The following TMEM132D variants were observed in gnomAD, a reference collection of about 807,000 sequenced individuals.
TMEM132D encodes the protein transmembrane protein 132D, also known as mature OL transmembrane protein.
TMEM132D carries 21 observed loss-of-function variants against 62.3 expected under a neutral mutation model. The observed-to-expected ratio is 0.34, with a 90% CI of 0.24 to 0.49. The LOEUF (loss-of-function observed/expected upper bound fraction) is 0.49. TMEM132D is among the 20% of genes least tolerant of loss of function. The pLI is 0.99. For missense variants in TMEM132D, 1,346 were observed against 1,402.8 expected (o/e 0.96, Z 0.65); for synonymous variants, 621 against 575.6 (o/e 1.08, Z -1.13).
At chr12:129,415,214 T>G (rs1872081815) in intron 3 of TMEM132D, among the ~76,000 whole-genome samples, 1 of 152,160 alleles carries the variant, frequency 6.6e-6, no homozygotes, top group Non-Finnish European at 1.5e-5. Context: ...GATCGTATGG[T>G]TGTTCTAGTT....
chr12:129,862,390 G>T lies in TMEM132D; in HGVS notation c.79+40871C>A, dbSNP rs536899694. Among the ~76,000 whole-genome samples, 3 of 152,334 alleles carry T rather than the reference G, an allele frequency of 2.0e-5. No individual in the cohort carries two copies. The East Asian group carries it at 5.8e-4, about 29-fold the overall frequency. On this transcript the variant is annotated intron_variant, in intron 1 of 8. Coordinates refer to ENST00000422113, the MANE Select transcript of TMEM132D (RefSeq NM_133448.3). ...CAGACCCAGCCTTCAGGAGCCAAGA[G>T]CGAAGGCGTTTTCCAGGGGGCTGTG... is the stretch of plus-strand genomic sequence containing the variant.
chr12:129,327,776 G>T (rs1868963797), intron 4 of TMEM132D, among the ~76,000 whole-genome samples: 1 of 152,080 alleles, frequency 6.6e-6, no homozygotes, highest in Non-Finnish European at 1.5e-5. Context: ...TTCCATTGTG[G>T]ATCTCTCCCT....
chr12:129,796,575 TG>T (rs1871568682), intron 1 of TMEM132D, among the ~76,000 whole-genome samples: 1 of 152,190 alleles, frequency 6.6e-6, no homozygotes, highest in African/African-American at 2.4e-5. Flanking sequence ...TCATGTCCTT[TG>T]CAGGGACATG....
intron 2 of TMEM132D, among the ~76,000 whole-genome samples, chr12:129,668,132 G>A (rs1049558424): frequency 3.3e-5 from 5 of 150,716 alleles, no homozygotes; most frequent in African/African-American, 1.2e-4. Context: ...AAAGCGAATG[G>A]CATCTGGTTT....
intron 1 of TMEM132D, among the ~76,000 whole-genome samples, chr12:129,813,727 A>C (rs1367903064): frequency 1.3e-5 from 2 of 151,862 alleles, no homozygotes; most frequent in Non-Finnish European, 2.9e-5. Context: ...CAAGCAAAAT[A>C]CAAGACATAG....
At chr12:129,171,952 C>G (rs796507574) in intron 5 of TMEM132D, among the ~76,000 whole-genome samples, 2 of 152,182 alleles carry the variant, frequency 1.3e-5, no homozygotes, top group Non-Finnish European at 2.9e-5. Context: ...CCTGACAAGA[C>G]AGTCAGCCTG....
intron 1 of TMEM132D, among the ~76,000 whole-genome samples, chr12:129,709,661 C>G (rs1408235242): frequency 1.3e-5 from 2 of 152,180 alleles, no homozygotes; most frequent in Non-Finnish European, 2.9e-5. Context: ...TCTCTAATGC[C>G]TTTAATGCAT....
chr12:129,253,592 G>A (rs1331304971), intron 4 of TMEM132D, among the ~76,000 whole-genome samples: 1 of 152,190 alleles, frequency 6.6e-6, no homozygotes, highest in Non-Finnish European at 1.5e-5. Context: ...TTCTGACACT[G>A]AGCAAAGGGG....
intron 2 of TMEM132D, among the ~76,000 whole-genome samples, chr12:129,624,741 G>A (rs1236815171): frequency 6.6e-6 from 1 of 152,228 alleles, no homozygotes; most frequent in Non-Finnish European, 1.5e-5. Flanking sequence ...AGCCTGTCAG[G>A]CACAGGGCAG....
intron 5 of TMEM132D, among the ~76,000 whole-genome samples, chr12:129,158,629 C>A (rs1226793285): frequency 6.6e-6 from 1 of 152,164 alleles, no homozygotes; most frequent in East Asian, 1.9e-4. Flanking sequence ...TAAAGGATAT[C>A]TGTCTTCAAG....
rs1881298791 is a variant in TMEM132D, at chr12:129,286,447, T to C, written c.1299+51187A>G. Among the ~76,000 whole-genome samples the C allele has an allele frequency of 2.0e-5, 3 of 152,194 alleles. No individual in the cohort carries two copies. The South Asian group carries it at 6.2e-4, about 32-fold the overall frequency. On this transcript the variant is annotated intron_variant, in intron 4 of 8. Coordinates refer to ENST00000422113, the MANE Select transcript of TMEM132D (RefSeq NM_133448.3). ...AGGTTCAAATGAGTACATTGTAGGATTGTTTTTAGGCATGAAAAATTAAGA... is the reference window on the plus strand; with the variant it reads ...AGGTTCAAATGAGTACATTGTAGGACTGTTTTTAGGCATGAAAAATTAAGA...
intron 1 of TMEM132D, 61 bp from the exon 2 acceptor site, chr12:129,700,759 C>G: frequency 6.6e-7 from 1 of 1,515,448 alleles, no homozygotes; most frequent in Admixed American, 2.1e-5. Flanking sequence ...ACCAGCATTT[C>G]AGACATCTGC....
At position 129,794,076 on chromosome 12, in the gene TMEM132D, G is replaced by GT. The variant is rs71082755; in HGVS notation, c.80-93379dup. Among the ~76,000 whole-genome samples, 320 of 145,574 alleles carry GT rather than the reference G, an allele frequency of 2.2e-3. 3 individuals carry two copies. The East Asian group carries it at 0.025, about 11-fold the overall frequency. On this transcript the variant is annotated intron_variant, in intron 1 of 8. Transcript: ENST00000422113. ...GCAGTATTTTTTTTTAAGTGTATGGGTTTTTTTTTTTCTTTTTTTTAATTT... is the reference window on the plus strand; with the variant it reads ...GCAGTATTTTTTTTTAAGTGTATGGGTTTTTTTTTTTTCTTTTTTTTAATTT...
chr12:129,513,852 T>TTTA (rs1566093771), intron 3 of TMEM132D, among the ~76,000 whole-genome samples: 22 of 112,344 alleles, frequency 2.0e-4, no homozygotes, highest in South Asian at 9.8e-4. Context: ...TTATTTATTT[T>TTTA]TTTGAGACGG....
chr12:129,295,427 C>CTT (rs556748373), intron 4 of TMEM132D, among the ~76,000 whole-genome samples: 9,183 of 122,980 alleles, frequency 0.075, 619 homozygotes, highest in South Asian at 0.17. Context: ...TCATATTAGC[C>CTT]TTTTTTTTTT....
chr12:129,661,201 G>A (rs1279498725), intron 2 of TMEM132D, among the ~76,000 whole-genome samples: 9 of 152,092 alleles, frequency 5.9e-5, no homozygotes, highest in South Asian at 2.1e-4. Flanking sequence ...GGCCATTTGC[G>A]TACAGTTTCT....
At chr12:129,726,480 T>C (rs1593137360) in intron 1 of TMEM132D, among the ~76,000 whole-genome samples, 1 of 151,656 alleles carries the variant, frequency 6.6e-6, no homozygotes, top group South Asian at 2.1e-4. Flanking sequence ...AGAGAATGTG[T>C]GTGGAGGGAA....
intron 2 of TMEM132D, among the ~76,000 whole-genome samples, chr12:129,654,319 T>C (rs1880015699): frequency 6.8e-6 from 1 of 146,538 alleles, no homozygotes; most frequent in African/African-American, 2.5e-5. Context: ...TGTGTGTGTG[T>C]TCTGAGCACT....
chr12:129,224,782 C>A (rs1042780379), intron 4 of TMEM132D, among the ~76,000 whole-genome samples: 1 of 152,112 alleles, frequency 6.6e-6, no homozygotes, highest in African/African-American at 2.4e-5. Flanking sequence ...GCCACGCCTG[C>A]AGTCCCAGCT....
Sources: allele counts gnomAD v4.1 joint callset (sites outside exome capture counted in the v4.1 genomes callset), GRCh38; gene constraint gnomAD v4.1.1; transcripts MANE v1.5; gene names NCBI Gene and HGNC (gene_info 2026-07-23, HGNC 2026-07-21).